The following ABHD18 variants were observed in gnomAD, a reference collection of about 807,000 sequenced individuals.
ABHD18 encodes abhydrolase domain containing 18.
A neutral mutation model predicts 65.9 loss-of-function variants in ABHD18; 55 were observed. The ratio of observed to expected loss-of-function variants is 0.84; its 90% CI spans 0.67 to 1.05. ABHD18 has a LOEUF of 1.05. Ranked by LOEUF, ABHD18 falls within the 50% of genes least tolerant of loss-of-function variation. The probability of loss-of-function intolerance (pLI) is 0.00; values close to 1 mark genes in which losing one functional copy is unlikely to be tolerated. For missense variants in ABHD18, 533 were observed against 558.5 expected (o/e 0.95, Z 0.46); for synonymous variants, 181 against 180.2 (o/e 1.00, Z -0.04).
At chr4:127,980,847 A>AAAAAAAAAT in intron 1 of ABHD18, among the ~76,000 whole-genome samples, 1 of 150,792 alleles carries the variant, frequency 6.6e-6, no homozygotes, top group African/African-American at 2.4e-5. Context: ...AAAAAAAAAA[A>AAAAAAAAAT]GTGATTGGAA....
chr4:128,028,390 TTTGTC>T (rs1757686805), intron 10 of ABHD18, 80 bp from the exon 11 acceptor site: 1 of 1,030,810 alleles, frequency 9.7e-7, no homozygotes, highest in Admixed American at 3.6e-5. Context: ...TTGATGGACA[TTTGTC>T]TTTTCTCTTT....
At chr4:127,976,901 C>T (rs779284098) in intron 1 of ABHD18, among the ~76,000 whole-genome samples, 10 of 152,018 alleles carry the variant, frequency 6.6e-5, no homozygotes, top group Non-Finnish European at 1.5e-4. Context: ...ATTAGCTGGC[C>T]GTGGTGGCGG....
At chr4:128,021,857 T>A (rs1756549229) in intron 10 of ABHD18, among the ~76,000 whole-genome samples, 1 of 152,176 alleles carries the variant, frequency 6.6e-6, no homozygotes, top group South Asian at 2.1e-4. Context: ...TTATTAGTAA[T>A]CGTTATCCTT....
chr4:127,977,592 C>G (rs376572422), intron 1 of ABHD18, among the ~76,000 whole-genome samples: 3 of 150,458 alleles, frequency 2.0e-5, no homozygotes, highest in East Asian at 3.9e-4. Context: ...ATAGAACTTT[C>G]TTTATGATTT....
At chr4:127,969,312 C>T (rs1746279667) in intron 1 of ABHD18, among the ~76,000 whole-genome samples, 1 of 151,706 alleles carries the variant, frequency 6.6e-6, no homozygotes, top group Admixed American at 6.6e-5. Context: ...AGGGATTCAC[C>T]TGCCTCAACC....
At chr4:127,968,814 C>G (rs1464968190) in intron 1 of ABHD18, among the ~76,000 whole-genome samples, 1 of 152,092 alleles carries the variant, frequency 6.6e-6, no homozygotes, top group Non-Finnish European at 1.5e-5. Context: ...TGGCATGACT[C>G]CAGATGGTGC....
intron 9 of ABHD18, 62 bp downstream of exon 9, chr4:128,020,231 G>T (rs1052073468): frequency 1.5e-6 from 2 of 1,373,888 alleles, no homozygotes; most frequent in Admixed American, 3.9e-5. Flanking sequence ...GTTTTGGGGG[G>T]GTCCCCAAAA....
chr4:128,016,154 C>G (rs1405572572), intron 7 of ABHD18, among the ~76,000 whole-genome samples: 3 of 151,646 alleles, frequency 2.0e-5, no homozygotes, highest in Non-Finnish European at 4.4e-5. Flanking sequence ...GGGTTTTATC[C>G]TATTGGTCAG....
intron 1 of ABHD18, among the ~76,000 whole-genome samples, chr4:127,979,380 C>G (rs1038749401): frequency 1.3e-5 from 2 of 151,998 alleles, no homozygotes; most frequent in Admixed American, 6.5e-5. Context: ...ATGGTGAAAC[C>G]CCGTCTCTAC....
chr4:127,992,724 G>T (rs918534828), intron 4 of ABHD18, among the ~76,000 whole-genome samples: 1 of 151,430 alleles, frequency 6.6e-6, no homozygotes, highest in East Asian at 1.9e-4. Context: ...AGTTTTTTTT[G>T]TAGAGATGGG....
intron 4 of ABHD18, among the ~76,000 whole-genome samples, chr4:127,993,565 A>G (rs1751273915): frequency 6.6e-6 from 1 of 152,214 alleles, no homozygotes; most frequent in African/African-American, 2.4e-5. Flanking sequence ...AACATTAGAA[A>G]ATGCAAATAA....
At chr4:127,991,319 CG>C (rs1560852581) in intron 4 of ABHD18, among the ~76,000 whole-genome samples, 1 of 152,118 alleles carries the variant, frequency 6.6e-6, no homozygotes, top group East Asian at 1.9e-4. Flanking sequence ...CTCCGCCTCC[CG>C]GGTTCAGGTG....
chr4:128,009,313 A>G, intron 6 of ABHD18, 122 bp downstream of exon 6: 1 of 524,206 alleles, frequency 1.9e-6, no homozygotes, highest in East Asian at 3.5e-5. Flanking sequence ...TCAGTTCAGA[A>G]AATACTTAAG....
chr4:127,986,979 C>G (rs533696930), intron 3 of ABHD18, among the ~76,000 whole-genome samples: 2 of 152,154 alleles, frequency 1.3e-5, no homozygotes, highest in African/African-American at 4.8e-5. Flanking sequence ...TTTATTCTTA[C>G]CAAGTTGCCA....
intron 10 of ABHD18, 135 bp downstream of exon 10, chr4:128,021,373 T>C: frequency 1.7e-6 from 1 of 583,384 alleles, no homozygotes; most frequent in Non-Finnish European, 2.9e-6. Context: ...TAAAAGATTT[T>C]TCATTTTTGT....
intron 3 of ABHD18, among the ~76,000 whole-genome samples, chr4:127,988,418 A>G (rs2149083636): frequency 6.6e-6 from 1 of 152,154 alleles, no homozygotes; most frequent in African/African-American, 2.4e-5. Context: ...TTTTGTAGAG[A>G]CAGAGTTTTT....
At chr4:127,998,666 C>T (rs1752175569) in intron 4 of ABHD18, among the ~76,000 whole-genome samples, 1 of 151,910 alleles carries the variant, frequency 6.6e-6, no homozygotes, top group South Asian at 2.1e-4. Context: ...GCCATTGCAT[C>T]CAGCTCTAAT....
intron 3 of ABHD18, among the ~76,000 whole-genome samples, chr4:127,988,365 G>T (rs559523141): frequency 1.3e-5 from 2 of 152,152 alleles, no homozygotes; most frequent in African/African-American, 4.8e-5. Context: ...CACGTAGCTG[G>T]GACCACAACC....
At chr4:127,973,138 C>T (rs1042056974) in intron 1 of ABHD18, among the ~76,000 whole-genome samples, 3 of 151,962 alleles carry the variant, frequency 2.0e-5, no homozygotes, top group South Asian at 2.1e-4. Context: ...CTCAGCCTCC[C>T]GAGTAGGTGG....
Sources: gnomAD v4.1 joint callset for allele counts (sites outside exome capture counted in the v4.1 genomes callset) on GRCh38, gnomAD v4.1.1 for gene constraint, MANE v1.5 for transcripts, NCBI Gene and HGNC (gene_info 2026-07-23, HGNC 2026-07-21) for gene names.